Variants in BCL11B observed in about 807,000 individuals in gnomAD.
BCL11B encodes BCL11 transcription factor B, also known as B-cell lymphoma/leukemia 11B.
BCL11B carries 8 observed loss-of-function variants against 49.9 expected under a neutral mutation model. The ratio of observed to expected loss-of-function variants is 0.16; its 90% CI spans 0.09 to 0.29. The LOEUF (loss-of-function observed/expected upper bound fraction) is 0.29, where lower values mean the gene tolerates loss of function less well. BCL11B is among the 10% of genes least tolerant of loss of function. The pLI, the probability that BCL11B is intolerant of heterozygous loss-of-function variation, is 1.00. For missense variants in BCL11B, 1,006 were observed against 1,351.0 expected (o/e 0.74, Z 4.00); for synonymous variants, 739 against 637.4 (o/e 1.16, Z -2.40).
chr14:99,212,875 T>G (rs1040678377), intron 3 of BCL11B, among the ~76,000 whole-genome samples: 1 of 152,228 alleles, frequency 6.6e-6, no homozygotes, highest in Non-Finnish European at 1.5e-5. Flanking sequence ...CAAAGCAGGA[T>G]GTGCTGTCTT....
rs972927764 is a variant in BCL11B at position 99,194,868 on chromosome 14, C to T, written c.641-18673G>A. Among the ~76,000 whole-genome samples the T allele has an allele frequency of 2.0e-5, 3 of 152,188 alleles. No individual in the cohort carries two copies. The highest frequency in any genetic ancestry group is 4.8e-5 in the African/African-American group (2 of 41,452). ...GTAGGACCTTGGTCAGTCCTTACCA[C>T]GATCCCATCTTACCTCAGCTCCCAA... On this transcript the variant is annotated intron_variant, in intron 3 of 3. Coordinates refer to ENST00000357195, the MANE Select transcript of BCL11B (RefSeq NM_138576.4). This position sits in a 1 kb window ranked among gnomAD's most constrained non-coding sequence, Gnocchi z 4.6.
In BCL11B at chr14:99,262,432, G is replaced by A. The variant is rs1889362451; in HGVS notation, c.59-4593C>T. Among the ~76,000 whole-genome samples, 1 of 152,142 alleles carries A rather than the reference G, an allele frequency of 6.6e-6. No homozygotes were observed. Among genetic ancestry groups the A allele is most frequent in the Non-Finnish European group, 1.5e-5 (1 of 68,038 alleles). On this transcript the variant is annotated intron_variant, in intron 1 of 3. Transcript: ENST00000357195. This position sits in a 1 kb window ranked among gnomAD's most constrained non-coding sequence, Gnocchi z 4.2. ...CAACTCTCTTATCTTTAATGGCTAA[G>A]CTACAGTCCAGGAGAAACATACACA...
At chr14:99,251,662 T>C (rs953372233) in intron 2 of BCL11B, among the ~76,000 whole-genome samples, 1 of 152,210 alleles carries the variant, frequency 6.6e-6, no homozygotes, top group Non-Finnish European at 1.5e-5. Context: ...AATGCCCTCA[T>C]TAGGAAGTAC....
chr14:99,171,760 A>T lies in BCL11B; in HGVS notation c.*2391T>A, dbSNP rs189092769. 4.7e-6 allele frequency: 1 copy of T among 210,872 alleles called. No individual in the cohort carries two copies. Among genetic ancestry groups the T allele is most frequent in the Non-Finnish European group, 9.6e-6 (1 of 103,770 alleles). The allele number at this position is 210,872 out of a possible 1,614,324, so 13.1% of individuals were successfully genotyped here. A position where few individuals can be genotyped will look rare whatever the true frequency, so the allele number is the denominator to read the frequency against. ...AAAATTCAACACCCAAGGCAGAAAA[A>T]AATTTACTAAAACTCCGACTTTACA... On this transcript the variant is annotated 3_prime_UTR_variant, in exon 4 of 4. Transcript: ENST00000357195.
At chr14:99,238,703 G>T (rs1888576796) in intron 2 of BCL11B, among the ~76,000 whole-genome samples, 1 of 152,212 alleles carries the variant, frequency 6.6e-6, no homozygotes, top group Admixed American at 6.5e-5. Context: ...GGAAAATCCT[G>T]CAGTGTTCCG....
chr14:99,235,964 C>T (rs938883951), intron 2 of BCL11B, among the ~76,000 whole-genome samples: 4 of 151,842 alleles, frequency 2.6e-5, no homozygotes, highest in African/African-American at 9.7e-5. Flanking sequence ...GTAATGAGGG[C>T]GATTGATGGC....
chr14:99,231,681 CG>C lies in BCL11B; in HGVS notation c.428-125del. On this transcript the variant is annotated intron_variant, in intron 2 of 3. Transcript: ENST00000357195. This position sits in a 1 kb window ranked among gnomAD's most constrained non-coding sequence, Gnocchi z 8.1. Reference sequence around the variant, plus strand: ...CCACCCTTCGGGGGTGGGAGGCCCCCGGGGTGCCAGGCCCTGCAGGGAAGGC... The same window carrying C: ...CCACCCTTCGGGGGTGGGAGGCCCCCGGGTGCCAGGCCCTGCAGGGAAGGC... The C allele has an allele frequency of 1.2e-6, 1 of 822,268 alleles. No individual in the cohort carries two copies. The highest frequency in any genetic ancestry group is 1.7e-6 in the Non-Finnish European group (1 of 576,562). The allele number at this position is 822,268 out of a possible 1,614,324, so 50.9% of individuals were successfully genotyped here.
chr14:99,253,150 A>G (rs1276581653), intron 2 of BCL11B, among the ~76,000 whole-genome samples: 1 of 152,228 alleles, frequency 6.6e-6, no homozygotes, highest in Non-Finnish European at 1.5e-5. Context: ...GAAGTGACTC[A>G]CACAGGTGGC....
intron 3 of BCL11B, among the ~76,000 whole-genome samples, chr14:99,218,062 T>G (rs978128849): frequency 3.2e-5 from 3 of 92,964 alleles, no homozygotes; most frequent in Non-Finnish European, 7.5e-5. Flanking sequence ...TCATTGCAGG[T>G]TTTTTTTTTT....
At chr14:99,233,656 G>A (rs570881130) in intron 2 of BCL11B, among the ~76,000 whole-genome samples, 12 of 152,336 alleles carry the variant, frequency 7.9e-5, no homozygotes, top group Admixed American at 2.6e-4. Context: ...GGGAGGAACC[G>A]TTGCAGAGCA....
In BCL11B at chr14:99,174,750, G is replaced by C; in HGVS notation, c.2086C>G (p.Leu696Val). 1 of 1,513,592 alleles carries C rather than the reference G, an allele frequency of 6.6e-7. No individual in the cohort carries two copies. The highest frequency in any genetic ancestry group is 8.8e-7 in the Non-Finnish European group (1 of 1,131,158). 93.8% of individuals were successfully genotyped at this position (1,513,592 alleles called of 1,614,324 possible). The change falls in exon 4 of 4, where the codon CTG (leucine) becomes GTG (valine). Residue 696 changes from leucine to valine, a missense_variant. Physicochemically the swap from Leu to Val is conservative, Grantham distance 32. This residue lies in a region of BCL11B where 443 missense variants were observed against 499.7 expected (regional missense o/e 0.89). Coordinates refer to ENST00000357195, the MANE Select transcript of BCL11B (RefSeq NM_138576.4). ...KRIKVEKDLE[L>V]PPAALIPSEN... ...GACGGGATGAGCGCGGCGGGCGGCA[G>C]CTCCAGGTCCTTCTCCACCTTGATG... is the stretch of plus-strand genomic sequence containing the variant.
At chr14:99,271,077 C>T in intron 1 of BCL11B, 84 bp downstream of exon 1, 1 of 1,391,172 alleles carries the variant, frequency 7.2e-7, no homozygotes, top group Non-Finnish European at 9.5e-7. Flanking sequence ...TGGCCAGGCT[C>T]GGCTGTTCCG....
rs200618487 is a variant in BCL11B, at chr14:99,175,951, C to T, written c.885G>A (p.Thr295=). ...CCGGGTGGTCCCGCAGGATGGGGCC[C>T]GTCATGCGCAGCAGGTTGAAGGGGT... The part of the protein sequence containing the change: ...DSNPFNLLRM[T]GPILRDHPGF... Residue 295 remains threonine (T), a synonymous_variant, in exon 4 of 4, where the codon ACG becomes ACA. Transcript: ENST00000357195. 156 of 1,458,792 alleles carry T rather than the reference C, an allele frequency of 1.1e-4. 1 individual carries two copies. The East Asian group carries it at 2.5e-3, about 24-fold the overall frequency. 90.4% of individuals were successfully genotyped at this position (1,458,792 alleles called of 1,614,324 possible).
At chr14:99,193,817 C>A (rs745493810) in intron 3 of BCL11B, among the ~76,000 whole-genome samples, 21 of 152,130 alleles carry the variant, frequency 1.4e-4, no homozygotes, top group Non-Finnish European at 2.8e-4. Flanking sequence ...TCATTTCTGG[C>A]CAAATTTCAG....
chr14:99,188,560 G>C (rs1886926292), intron 3 of BCL11B, among the ~76,000 whole-genome samples: 2 of 151,066 alleles, frequency 1.3e-5, no homozygotes, highest in Admixed American at 1.3e-4. Flanking sequence ...CTGGGGCTGG[G>C]GCTGGGGCTG....
chr14:99,206,715 T>G (rs963652971), intron 3 of BCL11B, among the ~76,000 whole-genome samples: 3 of 152,262 alleles, frequency 2.0e-5, no homozygotes, highest in African/African-American at 7.2e-5. Context: ...TCATTATTAA[T>G]TATTGTTGTT....
rs2139874483 is a variant in BCL11B at position 99,224,904 on chromosome 14, C to T, written c.640+6441G>A. 1.3e-5 allele frequency among the ~76,000 whole-genome samples: 2 copies of T among 152,312 alleles called. 1 individual carries two copies. The highest frequency in any genetic ancestry group is 4.1e-4 in the South Asian group (2 of 4,826). On this transcript the variant is annotated intron_variant, in intron 3 of 3. Coordinates refer to ENST00000357195, the MANE Select transcript of BCL11B (RefSeq NM_138576.4). The stretch of plus-strand genomic sequence containing the variant: ...CCACAATGACATTTAACTTCAAACA[C>T]ACATCCATGCCACAGAGCCCCACAG...
rs139734746 is a variant in BCL11B, at chr14:99,228,088, C to G, written c.640+3257G>C. Among the ~76,000 whole-genome samples the G allele has an allele frequency of 6.6e-6, 1 of 152,154 alleles. No homozygotes were observed. Among genetic ancestry groups the G allele is most frequent in the Non-Finnish European group, 1.5e-5 (1 of 68,044 alleles). Reference sequence around the variant, plus strand: ...ATAACTGCAGATGCGGTAACAGGCACGCAATTAACCTGTGTGAAACACGTT... The same window carrying G: ...ATAACTGCAGATGCGGTAACAGGCAGGCAATTAACCTGTGTGAAACACGTT... On this transcript the variant is annotated intron_variant, in intron 3 of 3. Coordinates refer to ENST00000357195, the MANE Select transcript of BCL11B (RefSeq NM_138576.4). This position sits in a 1 kb window ranked among gnomAD's most constrained non-coding sequence, Gnocchi z 4.8.
chr14:99,254,303 T>G (rs967939612), intron 2 of BCL11B, among the ~76,000 whole-genome samples: 4 of 152,222 alleles, frequency 2.6e-5, no homozygotes, highest in African/African-American at 9.7e-5. Flanking sequence ...CCAGAATGAC[T>G]ATCCCGAGGA....
Sources: gnomAD v4.1 joint callset for allele counts (sites outside exome capture counted in the v4.1 genomes callset) on GRCh38, gnomAD v4.1.1 for gene constraint, gnomAD v4.1.1 regional missense constraint, Gnocchi (gnomAD v3.1) non-coding constraint, MANE v1.5 for transcripts, NCBI Gene and HGNC (gene_info 2026-07-23, HGNC 2026-07-21) for gene names.